The following WDR70 variants were observed in gnomAD, a reference collection of about 807,000 sequenced individuals.
WDR70 encodes the protein WD repeat-containing protein 70.
A neutral mutation model predicts 88.6 loss-of-function variants in WDR70; 53 were observed. The observed-to-expected ratio is 0.60, with a 90% CI of 0.48 to 0.75. The LOEUF (loss-of-function observed/expected upper bound fraction) is 0.75. Among genes scored for constraint, WDR70 ranks in the 30% least tolerant of loss-of-function variants. The probability of loss-of-function intolerance (pLI) is 0.00; values close to 1 mark genes in which losing one functional copy is unlikely to be tolerated. For synonymous variants in WDR70, 280 were observed against 270.0 expected, an observed-to-expected ratio of 1.04 and a Z score of -0.36; for missense variants, 610 against 823.2, an observed-to-expected ratio of 0.74 and a Z score of 3.17.
At chr5:37,701,606 C>T (rs983627625) in intron 12 of WDR70, among the ~76,000 whole-genome samples, 5 of 151,896 alleles carry the variant, frequency 3.3e-5, no homozygotes, top group Admixed American at 6.6e-5. Context: ...TGGCTAACAA[C>T]GGTGAAACCC....
At chr5:37,441,995 C>T (rs1347215354) in intron 6 of WDR70, among the ~76,000 whole-genome samples, 5 of 150,170 alleles carry the variant, frequency 3.3e-5, no homozygotes, top group Admixed American at 6.6e-5. Flanking sequence ...TGGATATTGA[C>T]GTGTGAATTG....
chr5:37,672,685 G>C (rs1274341176), intron 10 of WDR70, among the ~76,000 whole-genome samples: 1 of 152,082 alleles, frequency 6.6e-6, no homozygotes, highest in South Asian at 2.1e-4. Flanking sequence ...CATTCCCCTT[G>C]CCAAGATAGT....
intron 10 of WDR70, among the ~76,000 whole-genome samples, chr5:37,667,188 A>G (rs191748767): frequency 1.3e-5 from 2 of 152,314 alleles, no homozygotes; most frequent in East Asian, 3.9e-4. Context: ...AAGGAGAAAA[A>G]AAGTTATTTT....
chr5:37,637,800 T>C (rs1330436647), intron 10 of WDR70, among the ~76,000 whole-genome samples: 1 of 152,254 alleles, frequency 6.6e-6, no homozygotes, highest in Non-Finnish European at 1.5e-5. Flanking sequence ...CTCACTTTCC[T>C]GGCCTCTTTG....
At chr5:37,743,643 C>T (rs934227978) in intron 17 of WDR70, among the ~76,000 whole-genome samples, 1 of 152,212 alleles carries the variant, frequency 6.6e-6, no homozygotes, top group African/African-American at 2.4e-5. Flanking sequence ...AACACACCGG[C>T]TGTGGCAGTC....
At chr5:37,589,288 G>A (rs1007036651) in intron 9 of WDR70, among the ~76,000 whole-genome samples, 88 of 86,028 alleles carry the variant, frequency 1.0e-3, no homozygotes, top group Non-Finnish European at 2.2e-3. Context: ...ACACACACAC[G>A]ATATATTTAA....
rs142976462 is a variant in WDR70, at chr5:37,394,001, T to C, written c.296+1881T>C. On this transcript the variant is annotated intron_variant, in intron 4 of 17. Coordinates refer to ENST00000265107, the MANE Select transcript of WDR70 (RefSeq NM_018034.4). ...CTGGCCTGATTTTGGTTTTATTTTG[T>C]TGTGGTTAAAAAAGATACTTGAGGG... 2.2e-3 allele frequency among the ~76,000 whole-genome samples: 330 copies of C among 152,144 alleles called. 2 individuals are homozygous for C. Among genetic ancestry groups the C allele is most frequent in the African/African-American group, 7.7e-3 (321 of 41,526 alleles).
chr5:37,643,657 A>G (rs1005947008), intron 10 of WDR70, among the ~76,000 whole-genome samples: 5 of 151,706 alleles, frequency 3.3e-5, no homozygotes, highest in African/African-American at 9.7e-5. Flanking sequence ...GTCTTCTTCA[A>G]TTTCTTTCAT....
intron 8 of WDR70, among the ~76,000 whole-genome samples, chr5:37,485,858 A>ATGTTTTTTTTTTTTTTTTTTTTTTTT (rs1739848569): frequency 9.2e-6 from 1 of 108,290 alleles, no homozygotes; most frequent in Non-Finnish European, 1.8e-5. Flanking sequence ...TGCCTGGCTA[A>ATGTTTTTTTTTTTTTTTTTTTTTTTT]TTTTTTTTTT....
At chr5:37,528,418 C>G (rs976522451) in intron 9 of WDR70, among the ~76,000 whole-genome samples, 6 of 151,786 alleles carry the variant, frequency 4.0e-5, no homozygotes, top group African/African-American at 1.5e-4. Context: ...TCATAGGTGG[C>G]AACTGAACAA....
At chr5:37,468,973 C>T (rs1321065059) in intron 7 of WDR70, among the ~76,000 whole-genome samples, 1 of 152,214 alleles carries the variant, frequency 6.6e-6, no homozygotes, top group East Asian at 1.9e-4. Context: ...GAACTAGTCC[C>T]CCATGGATAC....
At chr5:37,380,014 G>C (rs1410940009) in intron 2 of WDR70, among the ~76,000 whole-genome samples, 1 of 152,194 alleles carries the variant, frequency 6.6e-6, no homozygotes, top group East Asian at 1.9e-4. Context: ...TTATACCAAA[G>C]TTAACAGAAT....
intron 13 of WDR70, among the ~76,000 whole-genome samples, chr5:37,713,567 C>T (rs1747575455): frequency 6.6e-6 from 1 of 151,760 alleles, no homozygotes; most frequent in African/African-American, 2.4e-5. Flanking sequence ...AAGGAATCAG[C>T]CACTAGGTAG....
intron 10 of WDR70, among the ~76,000 whole-genome samples, chr5:37,697,311 A>G (rs1747011078): frequency 6.6e-6 from 1 of 152,214 alleles, no homozygotes; most frequent in Non-Finnish European, 1.5e-5. Context: ...GCTCTTTCAG[A>G]TAAATACTGG....
At chr5:37,690,286 C>T (rs1746749252) in intron 10 of WDR70, among the ~76,000 whole-genome samples, 1 of 152,214 alleles carries the variant, frequency 6.6e-6, no homozygotes, top group Non-Finnish European at 1.5e-5. Flanking sequence ...GGAAAACTGT[C>T]TTCAGGATAT....
At chr5:37,661,767 T>C (rs1429444364) in intron 10 of WDR70, among the ~76,000 whole-genome samples, 1 of 152,184 alleles carries the variant, frequency 6.6e-6, no homozygotes, top group Non-Finnish European at 1.5e-5. Context: ...ATCCATCAAG[T>C]GCAGGGTCTG....
At chr5:37,452,658 T>G (rs1738710610) in intron 7 of WDR70, among the ~76,000 whole-genome samples, 1 of 152,230 alleles carries the variant, frequency 6.6e-6, no homozygotes, top group South Asian at 2.1e-4. Flanking sequence ...CCCACATCTT[T>G]TTGTCACTGA....
At chr5:37,675,742 T>A (rs1244068914) in intron 10 of WDR70, among the ~76,000 whole-genome samples, 3 of 152,148 alleles carry the variant, frequency 2.0e-5, no homozygotes, top group African/African-American at 7.3e-5. Flanking sequence ...CATATGAACT[T>A]CAAAGTAGTT....
chr5:37,401,709 T>C (rs1364669842), intron 5 of WDR70, among the ~76,000 whole-genome samples: 2 of 152,216 alleles, frequency 1.3e-5, no homozygotes, highest in Non-Finnish European at 2.9e-5. Flanking sequence ...CCTGCCACCT[T>C]GACTTTCCAA....
Sources: allele counts gnomAD v4.1 joint callset (sites outside exome capture counted in the v4.1 genomes callset), GRCh38; gene constraint gnomAD v4.1.1; transcripts MANE v1.5; gene names NCBI Gene and HGNC (gene_info 2026-07-23, HGNC 2026-07-21).